ZNF487: variants seen among roughly 807,000 people sequenced by gnomAD.
ZNF487 encodes KRAB domain only 1.
ZNF487 carries 4 observed loss-of-function variants against 3.0 expected under a neutral mutation model. The ratio of observed to expected loss-of-function variants is 1.35; its 90% CI spans 0.66 to 3.08. The LOEUF (loss-of-function observed/expected upper bound fraction) is 3.08. Among genes scored for constraint, ZNF487 ranks in the 30% most tolerant of loss-of-function variants. ZNF487 has a pLI of 0.01. For missense variants in ZNF487, 146 were observed against 98.7 expected (o/e 1.48, Z -2.03); for synonymous variants, 55 against 34.6 (o/e 1.59, Z -2.06).
chr10:43,444,349 C>T (rs535434929), intron 1 of ZNF487, among the ~76,000 whole-genome samples: 6 of 152,226 alleles, frequency 3.9e-5, no homozygotes, highest in South Asian at 2.1e-4. Flanking sequence ...TCCAAGATCC[C>T]GTGCTGGTCT....
At chr10:43,456,389 C>T (rs922765112) in intron 1 of ZNF487, among the ~76,000 whole-genome samples, 1 of 152,126 alleles carries the variant, frequency 6.6e-6, no homozygotes, top group African/African-American at 2.4e-5. Context: ...CATATTTGCA[C>T]GGAGAGGCAA....
At chr10:43,511,741 G>C in the ZNF487 span, among the ~76,000 whole-genome samples, 1 of 152,134 alleles carries the variant, frequency 6.6e-6, no homozygotes, top group Non-Finnish European at 1.5e-5. Context: ...CGACGACAGG[G>C]GTGGCTGAGG....
At chr10:43,440,466 G>T (rs1042656312) in intron 1 of ZNF487, among the ~76,000 whole-genome samples, 4 of 152,036 alleles carry the variant, frequency 2.6e-5, no homozygotes, top group African/African-American at 9.7e-5. Flanking sequence ...AGACCAGCCT[G>T]TTCAACATGG....
chr10:43,515,310 G>C, the ZNF487 span, among the ~76,000 whole-genome samples: 1 of 152,158 alleles, frequency 6.6e-6, no homozygotes, highest in African/African-American at 2.4e-5. Context: ...GTTGGGGGTG[G>C]CTCCTGAGGA....
intron 1 of ZNF487, among the ~76,000 whole-genome samples, chr10:43,442,198 TGTACCCTA>T (rs1383108528): frequency 6.6e-6 from 1 of 151,802 alleles, no homozygotes; most frequent in East Asian, 1.9e-4. Flanking sequence ...CCACTAACAC[TGTACCCTA>T]GCCTGGTCTA....
intron 1 of ZNF487, chr10:43,452,526 AT>A (rs57384908): frequency 0.66 from 99,649 of 151,272 alleles, 34,272 homozygotes; most frequent in Non-Finnish European, 0.76. Context: ...TAATTTTTTA[AT>A]TTTTTTTTTG....
the ZNF487 span, among the ~76,000 whole-genome samples, chr10:43,510,001 G>A: frequency 1.3e-5 from 2 of 151,918 alleles, no homozygotes; most frequent in Admixed American, 6.6e-5. Flanking sequence ...TCATACAATG[G>A]GAAACGTACC....
the ZNF487 span, among the ~76,000 whole-genome samples, chr10:43,493,710 ATAT>A: frequency 0.029 from 713 of 24,580 alleles, 28 homozygotes; most frequent in African/African-American, 0.072. Context: ...AAAAAAAAAA[ATAT>A]ATATATATAT....
the ZNF487 span, among the ~76,000 whole-genome samples, chr10:43,491,522 C>G: frequency 6.6e-6 from 1 of 151,562 alleles, no homozygotes; most frequent in Admixed American, 6.6e-5. Context: ...AGCTCCAGAA[C>G]CACTCATCCA....
rs1839978276 is a variant in ZNF487, at chr10:43,450,776, T to G, written c.-94+13514T>G. Among the ~76,000 whole-genome samples, 3 of 152,148 alleles carry G rather than the reference T, an allele frequency of 2.0e-5. No individual in the cohort carries two copies. In the South Asian group the frequency reaches 6.2e-4, roughly 31 times the overall value. ...AATTTAGCATCTAAATTTAAGTGGC[T>G]GTGAAGTATAAAATAACAGTAGATA... On this transcript the variant is annotated intron_variant, in intron 1 of 3. Coordinates refer to ENST00000437590, the MANE Select transcript of ZNF487 (RefSeq NM_001355444.3).
the ZNF487 span, among the ~76,000 whole-genome samples, chr10:43,521,397 C>T: frequency 9.9e-5 from 15 of 152,204 alleles, no homozygotes; most frequent in African/African-American, 3.1e-4. Context: ...CTTAGGAACA[C>T]GAGAGACAGT....
chr10:43,479,035 A>G (rs571345648), intron 3 of ZNF487, among the ~76,000 whole-genome samples: 3 of 150,048 alleles, frequency 2.0e-5, no homozygotes, highest in Non-Finnish European at 4.4e-5. Flanking sequence ...GAAAATTTAT[A>G]TATATATATA....
At chr10:43,453,207 A>G (rs190711371) in intron 1 of ZNF487, 4 of 152,244 alleles carry the variant, frequency 2.6e-5, no homozygotes, top group African/African-American at 4.8e-5. Flanking sequence ...TTTCAAAGCA[A>G]TGGCTCCTTG....
At chr10:43,483,321 A>G, downstream of ZNF487, 1 of 354,492 alleles carries the variant, frequency 2.8e-6, no homozygotes, top group Non-Finnish European at 5.5e-6. Context: ...GCTCACCGCA[A>G]CCTCTGTCTC....
At chr10:43,465,041 G>C (rs1398134800) in intron 1 of ZNF487, among the ~76,000 whole-genome samples, 2 of 91,946 alleles carry the variant, frequency 2.2e-5, no homozygotes, top group African/African-American at 3.8e-5. Flanking sequence ...CTGGCCGGGC[G>C]GGGGGCTGAC....
At chr10:43,442,269 A>C (rs1367139378) in intron 1 of ZNF487, among the ~76,000 whole-genome samples, 1 of 137,346 alleles carries the variant, frequency 7.3e-6, no homozygotes, top group African/African-American at 2.6e-5. Context: ...CAACAACAAC[A>C]AAAAAAAAAC....
chr10:43,518,519 T>C, the ZNF487 span, among the ~76,000 whole-genome samples: 2 of 152,252 alleles, frequency 1.3e-5, no homozygotes, highest in African/African-American at 2.4e-5. Flanking sequence ...ATATTGCCCC[T>C]TTCTGATGCC....
chr10:43,478,353 G>A (rs1177979265), intron 3 of ZNF487, among the ~76,000 whole-genome samples: 13 of 152,170 alleles, frequency 8.5e-5, no homozygotes, highest in African/African-American at 2.2e-4. Flanking sequence ...TTGAGAGTTC[G>A]AGACCAGCCT....
chr10:43,514,827 A>G, the ZNF487 span, among the ~76,000 whole-genome samples: 2 of 152,194 alleles, frequency 1.3e-5, no homozygotes, highest in Admixed American at 6.5e-5. Flanking sequence ...AATCTGTTTC[A>G]CAAGGCATTG....
Sources: allele counts gnomAD v4.1 joint callset (sites outside exome capture counted in the v4.1 genomes callset), GRCh38; gene constraint gnomAD v4.1.1; transcripts MANE v1.5; gene names NCBI Gene and HGNC (gene_info 2026-07-23, HGNC 2026-07-21).